The following CEP70 variants were observed in gnomAD, a reference collection of about 807,000 sequenced individuals.
The protein encoded by CEP70 is centrosomal protein 70.
A neutral mutation model predicts 90.9 loss-of-function variants in CEP70; 70 were observed. The ratio of observed to expected loss-of-function variants is 0.77; its 90% CI spans 0.64 to 0.94. The LOEUF (loss-of-function observed/expected upper bound fraction) is 0.94. Ranked by LOEUF, CEP70 falls within the 40% of genes least tolerant of loss-of-function variation. The pLI is 0.00. For synonymous variants in CEP70, 220 were observed against 228.3 expected, an observed-to-expected ratio of 0.96 and a Z score of 0.33; for missense variants, 648 against 669.0, an observed-to-expected ratio of 0.97 and a Z score of 0.35.
In CEP70 at chr3:138,501,652, G is replaced by T. The variant is rs114797755; in HGVS notation, c.1222-771C>A. On this transcript the variant is annotated intron_variant, in intron 13 of 17. Coordinates refer to ENST00000264982, the MANE Select transcript of CEP70 (RefSeq NM_024491.4). Reference sequence around the variant, plus strand: ...TTTTAATGTGAAAGGTTCCCTAAATGTATTCTACATTATAATACTCCACTT... The same window carrying T: ...TTTTAATGTGAAAGGTTCCCTAAATTTATTCTACATTATAATACTCCACTT... Among the ~76,000 whole-genome samples, 1,080 of 152,238 alleles carry T rather than the reference G, an allele frequency of 7.1e-3. 13 individuals are homozygous for T. The highest frequency in any genetic ancestry group is 0.025 in the African/African-American group (1,035 of 41,532).
chr3:138,536,661 A>G (rs2038290147), intron 7 of CEP70, among the ~76,000 whole-genome samples: 1 of 151,834 alleles, frequency 6.6e-6, no homozygotes, highest in Admixed American at 6.6e-5. Context: ...TATTGTTCTT[A>G]AGAATGATTT....
intron 2 of CEP70, among the ~76,000 whole-genome samples, chr3:138,575,137 G>A (rs902462368): frequency 6.6e-6 from 1 of 152,100 alleles, no homozygotes; most frequent in Non-Finnish European, 1.5e-5. Context: ...CAGAAGGTCG[G>A]TAATAACAAA....
At chr3:138,591,586 A>G (rs976853599) in intron 2 of CEP70, among the ~76,000 whole-genome samples, 6 of 152,218 alleles carry the variant, frequency 3.9e-5, no homozygotes, top group African/African-American at 1.4e-4. Context: ...AGAAGAGTTA[A>G]TATAGAAAGA....
intron 6 of CEP70, among the ~76,000 whole-genome samples, chr3:138,547,584 T>C (rs558858275): frequency 6.6e-6 from 1 of 152,356 alleles, no homozygotes; most frequent in African/African-American, 2.4e-5. Flanking sequence ...CTTTCACCTT[T>C]TCACTTAAAG....
rs376475497 is a variant in CEP70 at position 138,592,717 on chromosome 3, G to A, written c.-108-761C>T. Among the ~76,000 whole-genome samples the A allele has an allele frequency of 6.1e-4, 93 of 151,862 alleles. 3 individuals are homozygous for A. In the South Asian group the frequency reaches 0.019, roughly 30 times the overall value. Reference sequence around the variant, plus strand: ...ATAGGTCTGAAGCCCCTTGTAACATGCTCCATATCTTAAAATTTAATTATT... The same window carrying A: ...ATAGGTCTGAAGCCCCTTGTAACATACTCCATATCTTAAAATTTAATTATT... On this transcript the variant is annotated intron_variant, in intron 1 of 17. Transcript: ENST00000264982.
At chr3:138,532,112 A>C (rs1485744525) in intron 8 of CEP70, among the ~76,000 whole-genome samples, 1 of 152,128 alleles carries the variant, frequency 6.6e-6, no homozygotes, top group Non-Finnish European at 1.5e-5. Flanking sequence ...TTTCACTGAC[A>C]TTTTATCTTT....
intron 7 of CEP70, among the ~76,000 whole-genome samples, chr3:138,535,373 T>A (rs1331930520): frequency 6.6e-6 from 1 of 152,176 alleles, no homozygotes; most frequent in Non-Finnish European, 1.5e-5. Flanking sequence ...CCACTTAGTA[T>A]CCTATCTGCC....
Position 138,533,395 on chromosome 3 carries a change from A to C in CEP70, c.636-825T>G, listed in dbSNP as rs568478608. ...TGGAAAAAATTAATGTTGCATAATC[A>C]AATGTATATTTTTTACTTTTGTCTA... On this transcript the variant is annotated intron_variant, in intron 7 of 17. Coordinates refer to ENST00000264982, the MANE Select transcript of CEP70 (RefSeq NM_024491.4). 3.0e-4 allele frequency among the ~76,000 whole-genome samples: 45 copies of C among 152,368 alleles called. No individual in the cohort carries two copies. The South Asian group carries it at 9.1e-3, about 31-fold the overall frequency.
intron 1 of CEP70, among the ~76,000 whole-genome samples, chr3:138,592,563 GGGGTAGGAGTCGGA>G (rs1277533199): frequency 7.3e-5 from 11 of 150,240 alleles, no homozygotes; most frequent in Admixed American, 2.7e-4. Context: ...TAGGAGTCGG[GGGGTAGGAGTCGGA>G]GGGTAGGAGT....
chr3:138,553,812 A>T (rs1267998585), intron 6 of CEP70, among the ~76,000 whole-genome samples: 1 of 152,238 alleles, frequency 6.6e-6, no homozygotes. Context: ...GGATAGTTTA[A>T]CATACAAAAG....
At chr3:138,560,476 T>G (rs1018349397) in intron 6 of CEP70, among the ~76,000 whole-genome samples, 2 of 151,742 alleles carry the variant, frequency 1.3e-5, no homozygotes, top group Non-Finnish European at 2.9e-5. Flanking sequence ...AGTTTTTGTT[T>G]TTTTTTTTTC....
intron 13 of CEP70, 30 bp downstream of exon 13, chr3:138,505,265 C>A: frequency 6.5e-7 from 1 of 1,536,570 alleles, no homozygotes; most frequent in South Asian, 1.3e-5. Flanking sequence ...AATAGATGTT[C>A]AAAGCATATA....
intron 16 of CEP70, chr3:138,499,819 G>A (rs754901417): frequency 4.9e-5 from 13 of 266,478 alleles, no homozygotes; most frequent in Non-Finnish European, 7.1e-5. Context: ...TTAGCTGGGC[G>A]TGGTGGCGTG....
chr3:138,521,349 G>T (rs13070559), intron 11 of CEP70, among the ~76,000 whole-genome samples: 1 of 145,494 alleles, frequency 6.9e-6, no homozygotes, highest in African/African-American at 2.6e-5. Flanking sequence ...CCGCCACCCC[G>T]TCTGGGAAGT....
At chr3:138,591,742 T>C in intron 2 of CEP70, 112 bp downstream of exon 2, 1 of 889,536 alleles carries the variant, frequency 1.1e-6, no homozygotes. Flanking sequence ...GATAGGATTA[T>C]CAGGAAGTCA....
At chr3:138,513,018 C>G (rs1188132790) in intron 11 of CEP70, among the ~76,000 whole-genome samples, 1 of 152,170 alleles carries the variant, frequency 6.6e-6, no homozygotes, top group African/African-American at 2.4e-5. Context: ...AACCCAGCAC[C>G]AGTGCCAAAC....
At chr3:138,570,851 T>C (rs970854177) in intron 5 of CEP70, among the ~76,000 whole-genome samples, 183 bp downstream of exon 5, 1 of 152,182 alleles carries the variant, frequency 6.6e-6, no homozygotes. Context: ...AAATATAGGG[T>C]ACCATTAAAC....
At position 138,514,842 on chromosome 3, in the gene CEP70, T is replaced by C. The variant is rs1020833352; in HGVS notation, c.945-6298A>G. 9.2e-5 allele frequency among the ~76,000 whole-genome samples: 14 copies of C among 152,280 alleles called. No homozygotes were observed. In the South Asian group the frequency reaches 1.7e-3, roughly 18 times the overall value. On this transcript the variant is annotated intron_variant, in intron 11 of 17. Transcript: ENST00000264982. The stretch of plus-strand genomic sequence containing the variant: ...ATCTGATTTCTGTTCAGTTCTTCCA[T>C]ATACCAGTAACCTGTATAACTTGGG...
chr3:138,529,459 T>C lies in CEP70; in HGVS notation c.696A>G (p.Gln232=), dbSNP rs889494663. 1.3e-6 allele frequency: 2 copies of C among 1,593,750 alleles called. No homozygotes were observed. The highest frequency in any genetic ancestry group is 1.7e-6 in the Non-Finnish European group (2 of 1,165,982). The change falls in exon 9 of 18, where the codon CAA becomes CAG. Residue 232 remains glutamine, a synonymous_variant. Transcript: ENST00000264982. ...SKIRKIHTQR[Q]YKEDESQSEE... ...CTGACTGACTTTCATCTTCTTTATATTGCCTATGAAAATATGTATGCAGTA... is the reference window on the plus strand; with the variant it reads ...CTGACTGACTTTCATCTTCTTTATACTGCCTATGAAAATATGTATGCAGTA...
Sources: allele counts gnomAD v4.1 joint callset (sites outside exome capture counted in the v4.1 genomes callset), GRCh38; gene constraint gnomAD v4.1.1; transcripts MANE v1.5; gene names NCBI Gene and HGNC (gene_info 2026-07-23, HGNC 2026-07-21).